CA8: variants seen among roughly 807,000 people sequenced by gnomAD.
CA8 encodes carbonic anhydrase-related protein.
A neutral mutation model predicts 41.4 loss-of-function variants in CA8; 22 were observed. The observed-to-expected ratio is 0.53, with a 90% CI of 0.38 to 0.76. The LOEUF is 0.76. CA8 is among the 30% of genes least tolerant of loss of function. The probability of loss-of-function intolerance (pLI) is 0.00; values close to 1 mark genes in which losing one functional copy is unlikely to be tolerated. For missense variants in CA8, 270 were observed against 352.8 expected, an observed-to-expected ratio of 0.77 and a Z score of 1.88; for synonymous variants, 121 against 130.6, an observed-to-expected ratio of 0.93 and a Z score of 0.50.
At chr8:60,219,120 T>C (rs1190413004) in intron 7 of CA8, among the ~76,000 whole-genome samples, 2 of 151,916 alleles carry the variant, frequency 1.3e-5, no homozygotes, top group African/African-American at 4.8e-5. Context: ...CTCTTCTCTG[T>C]ACATATTCTT....
Position 60,231,938 on chromosome 8 carries a change from AT to A in CA8, c.513+345del, listed in dbSNP as rs562508338. ...CTACATACTTCTATTATTGTTATTG[AT>A]TTTTTTTGTAGATTTTTCTGTAAAC... On this transcript the variant is annotated intron_variant, in intron 4 of 8. Transcript: ENST00000317995. Among the ~76,000 whole-genome samples, 8 of 152,058 alleles carry A rather than the reference AT, an allele frequency of 5.3e-5. No individual in the cohort carries two copies. In the East Asian group the frequency reaches 7.7e-4, roughly 15 times the overall value.
chr8:60,269,671 C>T (rs528121749), intron 2 of CA8, among the ~76,000 whole-genome samples: 4 of 152,304 alleles, frequency 2.6e-5, no homozygotes, highest in South Asian at 2.1e-4. Flanking sequence ...GGCTAGTGCT[C>T]AAGCCTTATT....
At chr8:60,261,686 A>T (rs970098282) in intron 3 of CA8, among the ~76,000 whole-genome samples, 6 of 152,230 alleles carry the variant, frequency 3.9e-5, no homozygotes, top group African/African-American at 1.2e-4. Context: ...TGAAGACAGC[A>T]GAGAGTAATG....
intron 7 of CA8, among the ~76,000 whole-genome samples, chr8:60,219,926 ACTT>A (rs1447558987): frequency 2.0e-5 from 2 of 100,660 alleles, no homozygotes; most frequent in African/African-American, 7.5e-5. Flanking sequence ...CTAAATCTTA[ACTT>A]AAAAAAAAAA....
intron 2 of CA8, among the ~76,000 whole-genome samples, chr8:60,277,548 T>C (rs1804281259): frequency 6.6e-6 from 1 of 151,976 alleles, no homozygotes; most frequent in African/African-American, 2.4e-5. Context: ...AGAGATGGGG[T>C]TTCACCATGT....
intron 2 of CA8, among the ~76,000 whole-genome samples, chr8:60,277,796 T>C (rs1804289361): frequency 6.6e-6 from 1 of 152,154 alleles, no homozygotes; most frequent in Admixed American, 6.5e-5. Flanking sequence ...ACTCAAGACA[T>C]GGTTATTTTG....
Position 60,232,355 on chromosome 8 carries a change from T to A in CA8, c.442A>T (p.Thr148Ser), listed in dbSNP as rs761134546. Residue 148 changes from threonine to serine, a missense_variant, in exon 4 of 9, where the codon ACT (threonine) becomes TCT (serine). By Grantham distance (58) the Thr-to-Ser change is moderately conservative (BLOSUM62 1). Transcript: ENST00000317995. Reference protein sequence around the residue: ...MELHLIHWNSTLFGSIDEAVG... With the variant: ...MELHLIHWNSSLFGSIDEAVG... ...GCCTCATCAATGCTGCCAAACAGAG[T>A]GGAGTTCCAGTGGATCAGATGGAGC... 7 of 1,613,646 alleles carry A rather than the reference T, an allele frequency of 4.3e-6. No individual in the cohort carries two copies. The highest frequency in any genetic ancestry group is 3.4e-6 in the Non-Finnish European group (4 of 1,179,800).
chr8:60,190,803 G>A (rs1297703768), intron 8 of CA8, among the ~76,000 whole-genome samples: 4 of 150,416 alleles, frequency 2.7e-5, no homozygotes, highest in African/African-American at 7.3e-5. Flanking sequence ...TCTGGGCAAT[G>A]TCCTTTGGAA....
rs1231954932 is a variant in CA8, at chr8:60,188,412, A to G, written c.*1609T>C. On this transcript the variant is annotated 3_prime_UTR_variant, in exon 9 of 9. Transcript: ENST00000317995. ...TGCAGTGTTTTGTTCCAGGAATGCC[A>G]TATGAATGGCCTCTCATTTATGGAA... 2.0e-5 allele frequency: 3 copies of G among 152,228 alleles called. No homozygotes were observed. The highest frequency in any genetic ancestry group is 3.2e-3 in the Middle Eastern group (1 of 316). The allele number at this position is 152,228 out of a possible 1,614,324, so 9.4% of individuals were successfully genotyped here.
At position 60,270,502 on chromosome 8, in the gene CA8, G is replaced by A. The variant is rs571847233; in HGVS notation, c.293-4453C>T. On this transcript the variant is annotated intron_variant, in intron 2 of 8. Transcript: ENST00000317995. ...GTGATCTCGGCTCACTGCAACCTCC[G>A]CCTCCCAGGTTCAAGAGATTCTCCT... Among the ~76,000 whole-genome samples, 18 of 150,562 alleles carry A rather than the reference G, an allele frequency of 1.2e-4. No homozygotes were observed. In the South Asian group the frequency reaches 2.1e-3, roughly 18 times the overall value.
At chr8:60,277,123 G>GA (rs60441033) in intron 2 of CA8, among the ~76,000 whole-genome samples, 111,979 of 139,096 alleles carry the variant, frequency 0.81, 44,403 homozygotes, top group East Asian at 0.87. Flanking sequence ...TGTCTCAAAA[G>GA]AAAAAAAAAA....
intron 3 of CA8, among the ~76,000 whole-genome samples, chr8:60,243,959 T>C (rs1448496515): frequency 6.6e-6 from 1 of 152,172 alleles, no homozygotes; most frequent in Non-Finnish European, 1.5e-5. Flanking sequence ...GCATTTTAAA[T>C]CAAAATTTCT....
chr8:60,199,280 G>A (rs1220643920), intron 8 of CA8, among the ~76,000 whole-genome samples: 3 of 152,064 alleles, frequency 2.0e-5, no homozygotes, highest in Non-Finnish European at 4.4e-5. Flanking sequence ...GACAACAAAG[G>A]TTTATTGCTT....
chr8:60,219,963 A>G (rs941015369), intron 7 of CA8, among the ~76,000 whole-genome samples: 11 of 147,394 alleles, frequency 7.5e-5, no homozygotes, highest in Admixed American at 2.0e-4. Context: ...ACACTTGACT[A>G]TTCTCTAAAC....
chr8:60,276,054 A>C (rs888877037), intron 2 of CA8, among the ~76,000 whole-genome samples: 1 of 152,248 alleles, frequency 6.6e-6, no homozygotes, highest in Non-Finnish European at 1.5e-5. Context: ...CCAAGCATGT[A>C]GCCCTCACTT....
At chr8:60,197,054 A>T (rs1266421312) in intron 8 of CA8, among the ~76,000 whole-genome samples, 1 of 152,178 alleles carries the variant, frequency 6.6e-6, no homozygotes, top group Non-Finnish European at 1.5e-5. Context: ...GTAATCTGAC[A>T]CATAGTTACT....
intron 8 of CA8, among the ~76,000 whole-genome samples, chr8:60,200,404 T>C (rs10109145): frequency 0.28 from 42,257 of 152,180 alleles, 6,103 homozygotes; most frequent in Middle Eastern, 0.41. Context: ...TAATCCTTTC[T>C]TCACCCTTAT....
intron 8 of CA8, among the ~76,000 whole-genome samples, chr8:60,201,979 G>A (rs1217397363): frequency 7.1e-6 from 1 of 141,390 alleles, no homozygotes; most frequent in Non-Finnish European, 1.5e-5. Context: ...GTTTCCATCA[G>A]TTTCATTGGT....
At position 60,208,863 on chromosome 8, in the gene CA8, G is replaced by A. The variant is rs147080672; in HGVS notation, c.795C>T (p.Gly265=). 6.2e-7 allele frequency: 1 copy of A among 1,614,092 alleles called. No individual in the cohort carries two copies. Among genetic ancestry groups the A allele is most frequent in the Admixed American group, 1.7e-5 (1 of 60,002 alleles). Residue 265 remains glycine, a synonymous_variant, in exon 8 of 9, where the codon GGC becomes GGT. Coordinates refer to ENST00000317995, the MANE Select transcript of CA8 (RefSeq NM_004056.6). The part of the protein sequence containing the change: ...THVKGAELVE[G]CDGILGDNFR... ...AGTTGTCTCCCAAAATCCCATCACAGCCTTCCACAAGTTCTGCCCCCTTAA... is the reference window on the plus strand; with the variant it reads ...AGTTGTCTCCCAAAATCCCATCACAACCTTCCACAAGTTCTGCCCCCTTAA...
Sources: gnomAD v4.1 joint callset for allele counts (sites outside exome capture counted in the v4.1 genomes callset) on GRCh38, gnomAD v4.1.1 for gene constraint, MANE v1.5 for transcripts, NCBI Gene and HGNC (gene_info 2026-07-23, HGNC 2026-07-21) for gene names.